CNOT8: variants seen among roughly 807,000 people sequenced by gnomAD.
CNOT8 encodes CAF1-like protein.
Under a neutral mutation model 34.6 loss-of-function variants are expected in CNOT8, and 18 were observed. That is an observed-to-expected ratio of 0.52 (90% CI 0.36 to 0.77). The LOEUF is 0.77. Among genes scored for constraint, CNOT8 ranks in the 30% least tolerant of loss-of-function variants. The probability of loss-of-function intolerance (pLI) is 0.00; values close to 1 mark genes in which losing one functional copy is unlikely to be tolerated. For missense variants in CNOT8, 189 were observed against 347.9 expected, an observed-to-expected ratio of 0.54 and a Z score of 3.63; for synonymous variants, 101 against 118.8, an observed-to-expected ratio of 0.85 and a Z score of 0.98.
intron 1 of CNOT8, chr5:154,859,402 G>A (rs1761107763): frequency 6.6e-6 from 1 of 152,172 alleles, no homozygotes; most frequent in African/African-American, 2.4e-5. Flanking sequence ...TTTATGAATG[G>A]AGGAGCCAAC....
At chr5:154,867,364 C>T (rs1248830494) in intron 3 of CNOT8, among the ~76,000 whole-genome samples, 2 of 151,976 alleles carry the variant, frequency 1.3e-5, no homozygotes. Flanking sequence ...CATTATACGA[C>T]CATTAATTTT....
chr5:154,871,253 T>G (rs1384200263), intron 4 of CNOT8, among the ~76,000 whole-genome samples: 1 of 152,030 alleles, frequency 6.6e-6, no homozygotes, highest in African/African-American at 2.4e-5. Flanking sequence ...TCTGTTAGGT[T>G]GTTATTAGAA....
intron 3 of CNOT8, among the ~76,000 whole-genome samples, chr5:154,868,569 A>G (rs1340272517): frequency 3.3e-5 from 5 of 152,066 alleles, no homozygotes; most frequent in Non-Finnish European, 4.4e-5. Context: ...CACCCGACCT[A>G]TTTACTTCAT....
intron 3 of CNOT8, among the ~76,000 whole-genome samples, chr5:154,867,152 C>G (rs1430315953): frequency 6.7e-6 from 1 of 148,600 alleles, no homozygotes; most frequent in Non-Finnish European, 1.5e-5. Flanking sequence ...TTTTGTATTA[C>G]ATGGTATTAT....
intron 3 of CNOT8, chr5:154,867,605 A>G (rs1161487297): frequency 1.0e-5 from 2 of 191,262 alleles, no homozygotes; most frequent in South Asian, 6.2e-5. Context: ...TTTTTCATAG[A>G]TAAAGCCCCT....
intron 1 of CNOT8, chr5:154,859,973 G>C (rs970795885): frequency 6.6e-6 from 1 of 152,226 alleles, no homozygotes; most frequent in Admixed American, 6.5e-5. Flanking sequence ...AACATTGTAT[G>C]TAATAAAAAT....
intron 1 of CNOT8, among the ~76,000 whole-genome samples, chr5:154,860,713 G>A (rs957961915): frequency 2.0e-5 from 3 of 152,140 alleles, no homozygotes; most frequent in African/African-American, 7.2e-5. Flanking sequence ...TAATTTTTGA[G>A]TGGCACTACA....
chr5:154,868,228 T>C (rs988492587), intron 3 of CNOT8, among the ~76,000 whole-genome samples: 4 of 150,286 alleles, frequency 2.7e-5, no homozygotes, highest in African/African-American at 7.4e-5. Flanking sequence ...TGAGCCACCA[T>C]GCCCCACCTA....
rs542364761 is a variant in CNOT8, at chr5:154,871,246, G to A, written c.473+424G>A. ...TTTTTTATATCTCCCATATTAGTCT[G>A]TTAGGTTGTTATTAGAAAGTTCAGA... On this transcript the variant is annotated intron_variant, in intron 4 of 6. Transcript: ENST00000285896. Among the ~76,000 whole-genome samples the A allele has an allele frequency of 8.3e-4, 126 of 152,142 alleles. 2 individuals are homozygous for A. Among genetic ancestry groups the A allele is most frequent in the Middle Eastern group, 6.8e-3 (2 of 292 alleles).
intron 1 of CNOT8, among the ~76,000 whole-genome samples, chr5:154,861,941 G>T (rs913724370): frequency 6.6e-6 from 1 of 152,086 alleles, no homozygotes; most frequent in Non-Finnish European, 1.5e-5. Flanking sequence ...CTTGTGATCC[G>T]CCCGCCTCGG....
intron 6 of CNOT8, among the ~76,000 whole-genome samples, chr5:154,875,074 G>A (rs1208066658): frequency 2.6e-5 from 4 of 151,754 alleles, no homozygotes; most frequent in Non-Finnish European, 4.4e-5. Context: ...GTGCCACCAT[G>A]CCCGGCTCAT....
At chr5:154,861,802 G>A (rs1172783792) in intron 1 of CNOT8, among the ~76,000 whole-genome samples, 2 of 152,174 alleles carry the variant, frequency 1.3e-5, no homozygotes, top group Non-Finnish European at 2.9e-5. Context: ...GGGTTCAAGC[G>A]ATTCTGCTGC....
chr5:154,864,277 G>A (rs1171805983), intron 2 of CNOT8, among the ~76,000 whole-genome samples: 1 of 152,028 alleles, frequency 6.6e-6, no homozygotes, highest in African/African-American at 2.4e-5. Flanking sequence ...TGGCTAACAC[G>A]GTGAAACCCT....
At chr5:154,867,152 CATGGTATTAT>C (rs1761970743) in intron 3 of CNOT8, among the ~76,000 whole-genome samples, 1 of 148,600 alleles carries the variant, frequency 6.7e-6, no homozygotes, top group Non-Finnish European at 1.5e-5. Context: ...TTTTGTATTA[CATGGTATTAT>C]AAATAATTCC....
In CNOT8 at chr5:154,875,667, C is replaced by T. The variant is rs1373050914; in HGVS notation, c.*228C>T. 2.2e-6 allele frequency: 1 copy of T among 447,402 alleles called. No individual in the cohort carries two copies. Among genetic ancestry groups the T allele is most frequent in the Non-Finnish European group, 4.0e-6 (1 of 252,996 alleles). 27.7% of individuals were successfully genotyped at this position (447,402 alleles called of 1,614,324 possible). On this transcript the variant is annotated 3_prime_UTR_variant, in exon 7 of 7. Transcript: ENST00000285896. ...AAATAAGTCTTCCCCATTCCTCATA[C>T]TCGAGCCTCTCCTCTCTGGTTGCCT...
intron 1 of CNOT8, among the ~76,000 whole-genome samples, chr5:154,861,210 A>T (rs1269500168): frequency 6.6e-6 from 1 of 152,240 alleles, no homozygotes; most frequent in Non-Finnish European, 1.5e-5. Context: ...TTTACTCCAC[A>T]TTCATTCTGA....
At chr5:154,871,947 C>G in intron 5 of CNOT8, 73 bp downstream of exon 5, 2 of 1,349,302 alleles carry the variant, frequency 1.5e-6, no homozygotes, top group Non-Finnish European at 1.0e-6. Context: ...TTTATTGTTA[C>G]GTGTTCAGCA....
intron 2 of CNOT8, among the ~76,000 whole-genome samples, chr5:154,863,668 C>T (rs1412388566): frequency 6.6e-6 from 1 of 152,178 alleles, no homozygotes; most frequent in Non-Finnish European, 1.5e-5. Context: ...GTATGTTCCA[C>T]TAAAGCCATT....
chr5:154,858,743 G>A lies in CNOT8; in HGVS notation c.-98G>A, dbSNP rs988487350. 2.0e-5 allele frequency: 3 copies of A among 152,192 alleles called. No homozygotes were observed. The highest frequency in any genetic ancestry group is 7.2e-5 in the African/African-American group (3 of 41,416). The allele number at this position is 152,192 out of a possible 1,614,324, so 9.4% of individuals were successfully genotyped here. A position where few individuals can be genotyped will look rare whatever the true frequency, so the allele number is the denominator to read the frequency against. On this transcript the variant is annotated 5_prime_UTR_variant, in exon 1 of 7. Transcript: ENST00000285896. Reference sequence around the variant, plus strand: ...CGCCAGCTCGTCAGCCCGCCAGCCAGCGCTTCGCGGGCCCTGTCGGTCCCG... The same window carrying A: ...CGCCAGCTCGTCAGCCCGCCAGCCAACGCTTCGCGGGCCCTGTCGGTCCCG...
Sources: allele counts gnomAD v4.1 joint callset (sites outside exome capture counted in the v4.1 genomes callset), GRCh38; gene constraint gnomAD v4.1.1; transcripts MANE v1.5; gene names NCBI Gene and HGNC (gene_info 2026-07-23, HGNC 2026-07-21).